BLTP3A: variants seen among roughly 807,000 people sequenced by gnomAD.
BLTP3A encodes the protein bridge-like lipid transfer protein family member 3A.
chr6:34,833,013 G>C, the BLTP3A span, among the ~76,000 whole-genome samples: 1 of 152,018 alleles, frequency 6.6e-6, no homozygotes, highest in African/African-American at 2.4e-5. Context: ...GAGGGACTTT[G>C]TTTCCTTCAT....
chr6:34,853,259 G>A, the BLTP3A span, among the ~76,000 whole-genome samples: 6 of 152,028 alleles, frequency 3.9e-5, no homozygotes, highest in African/African-American at 1.4e-4. Context: ...GGCTCACTGC[G>A]GCAAACTCTC....
the BLTP3A span, among the ~76,000 whole-genome samples, chr6:34,864,457 C>T: frequency 6.7e-6 from 1 of 149,996 alleles, no homozygotes; most frequent in Non-Finnish European, 1.5e-5. Flanking sequence ...ACTAGTCTTA[C>T]AGCCTTATAG....
chr6:34,847,720 T>C, the BLTP3A span, among the ~76,000 whole-genome samples: 1 of 151,564 alleles, frequency 6.6e-6, no homozygotes, highest in African/African-American at 2.4e-5. Flanking sequence ...TCAATTTTGT[T>C]TATCTTTTCA....
the BLTP3A span, among the ~76,000 whole-genome samples, chr6:34,840,799 G>A: frequency 1.3e-5 from 2 of 151,058 alleles, no homozygotes. Flanking sequence ...TGTATTTTTA[G>A]TAGAGATGCA....
At chr6:34,801,717 AT>A in the BLTP3A span, among the ~76,000 whole-genome samples, 2 of 151,680 alleles carry the variant, frequency 1.3e-5, no homozygotes, top group African/African-American at 4.8e-5. Flanking sequence ...TTATTTATTT[AT>A]TTATTTATTT....
the BLTP3A span, among the ~76,000 whole-genome samples, chr6:34,869,040 C>T: frequency 6.6e-6 from 1 of 151,956 alleles, no homozygotes; most frequent in Non-Finnish European, 1.5e-5. Context: ...CAGTCTTGCT[C>T]TGTTGCCCAG....
At chr6:34,868,374 G>A in the BLTP3A span, among the ~76,000 whole-genome samples, 2 of 151,318 alleles carry the variant, frequency 1.3e-5, no homozygotes, top group African/African-American at 4.8e-5. Context: ...ATCCCAGCAC[G>A]CTGGGAAGCT....
the BLTP3A span, among the ~76,000 whole-genome samples, chr6:34,852,956 A>T: frequency 6.6e-6 from 1 of 152,100 alleles, no homozygotes. Flanking sequence ...CTGAGTTCCA[A>T]TGCAAAGTCC....
chr6:34,858,288 T>C, the BLTP3A span: 2 of 1,614,208 alleles, frequency 1.2e-6, no homozygotes, highest in Non-Finnish European at 1.7e-6. Context: ...CTGAGTTCTT[T>C]CATTCCAATT....
the BLTP3A span, among the ~76,000 whole-genome samples, chr6:34,804,323 A>G: frequency 6.6e-6 from 1 of 152,126 alleles, no homozygotes; most frequent in South Asian, 2.1e-4. Context: ...TTCATTAATT[A>G]TTTAGGCAAA....
At chr6:34,859,318 T>C in the BLTP3A span, 1 of 1,613,818 alleles carries the variant, frequency 6.2e-7, no homozygotes, top group Non-Finnish European at 8.5e-7. Flanking sequence ...AGCCTCCAGC[T>C]CACCAGCTGC....
At chr6:34,841,233 A>AT in the BLTP3A span, among the ~76,000 whole-genome samples, 1 of 151,622 alleles carries the variant, frequency 6.6e-6, no homozygotes, top group Non-Finnish European at 1.5e-5. Flanking sequence ...CGCCTGGTTG[A>AT]TTTTTTTGCA....
At chr6:34,859,441 A>G in the BLTP3A span, 1 of 1,614,182 alleles carries the variant, frequency 6.2e-7, no homozygotes, top group Non-Finnish European at 8.5e-7. Flanking sequence ...CAAGGATGCC[A>G]CCAAGGAGGC....
the BLTP3A span, chr6:34,821,461 GTGT>G: frequency 1.8e-6 from 1 of 566,014 alleles, no homozygotes; most frequent in Non-Finnish European, 3.1e-6. Context: ...TCTGAGTGCA[GTGT>G]TTACAACTAA....
At chr6:34,842,572 G>A in the BLTP3A span, among the ~76,000 whole-genome samples, 1 of 152,024 alleles carries the variant, frequency 6.6e-6, no homozygotes, top group Non-Finnish European at 1.5e-5. Context: ...AGCCAGGCAC[G>A]GTGGCTCACA....
chr6:34,795,709 T>TAATTTTTAAAGAA, the BLTP3A span, among the ~76,000 whole-genome samples: 1 of 152,148 alleles, frequency 6.6e-6, no homozygotes, highest in African/African-American at 2.4e-5. Context: ...CCTGAACATA[T>TAATTTTTAAAGAA]AATTTTTAAA....
the BLTP3A span, among the ~76,000 whole-genome samples, chr6:34,865,114 C>T: frequency 1.4e-4 from 21 of 152,278 alleles, no homozygotes; most frequent in African/African-American, 4.3e-4. Context: ...TTAACATCTC[C>T]GTCACCTCAA....
the BLTP3A span, among the ~76,000 whole-genome samples, chr6:34,836,668 A>G: frequency 1.3e-5 from 2 of 152,150 alleles, no homozygotes; most frequent in Non-Finnish European, 2.9e-5. Flanking sequence ...CCCCTCACCA[A>G]AGTTCCTTAG....
the BLTP3A span, among the ~76,000 whole-genome samples, chr6:34,794,010 A>G: frequency 6.6e-6 from 1 of 152,078 alleles, no homozygotes; most frequent in Admixed American, 6.6e-5. Flanking sequence ...AAATACAGAA[A>G]TTAGCCTGGC....
Sources: allele counts gnomAD v4.1 joint callset (sites outside exome capture counted in the v4.1 genomes callset), GRCh38; gene constraint gnomAD v4.1.1; transcripts MANE v1.5; gene names NCBI Gene and HGNC (gene_info 2026-07-23, HGNC 2026-07-21).